LOC112694756: variants seen among roughly 807,000 people sequenced by gnomAD.
chr16:30,054,605 T>C, the LOC112694756 span: 4 of 393,250 alleles, frequency 1.0e-5, no homozygotes, highest in African/African-American at 2.1e-5. Context: ...CTGGGAATGA[T>C]AGGGAAAAAG....
the LOC112694756 span, among the ~76,000 whole-genome samples, chr16:30,066,482 G>C: frequency 9.8e-5 from 15 of 152,362 alleles, no homozygotes; most frequent in African/African-American, 3.6e-4. Flanking sequence ...CCACGTTCTT[G>C]CCCCGTAGGA....
the LOC112694756 span, among the ~76,000 whole-genome samples, chr16:30,059,530 CTT>C: frequency 6.7e-6 from 1 of 149,596 alleles, no homozygotes; most frequent in Non-Finnish European, 1.5e-5. Context: ...TAATATCTCT[CTT>C]TCTTTTTTTT....
the LOC112694756 span, chr16:30,069,498 G>T: frequency 6.2e-7 from 1 of 1,614,100 alleles, no homozygotes; most frequent in Admixed American, 1.7e-5. Flanking sequence ...CTCTGCTCCA[G>T]GTGCTGGCTG....
the LOC112694756 span, chr16:30,069,103 A>G: frequency 6.7e-7 from 1 of 1,486,060 alleles, no homozygotes; most frequent in Non-Finnish European, 9.3e-7. Flanking sequence ...CCCGTGGAGG[A>G]CACTCAAGGG....
At chr16:30,053,942 C>T in the LOC112694756 span, among the ~76,000 whole-genome samples, 1 of 152,062 alleles carries the variant, frequency 6.6e-6, no homozygotes, top group Non-Finnish European at 1.5e-5. Flanking sequence ...GTGGGAGGAT[C>T]GTTTAAGCCC....
the LOC112694756 span, among the ~76,000 whole-genome samples, chr16:30,063,381 C>T: frequency 6.6e-6 from 1 of 152,002 alleles, no homozygotes; most frequent in African/African-American, 2.4e-5. Flanking sequence ...GCACAGACCC[C>T]GGGACTGTAG....
chr16:30,069,772 C>T, the LOC112694756 span: 80 of 1,612,590 alleles, frequency 5.0e-5, no homozygotes, highest in Non-Finnish European at 6.7e-5. Flanking sequence ...TCCACCAGCT[C>T]CTGCCAGCTT....
At chr16:30,058,571 C>T in the LOC112694756 span, among the ~76,000 whole-genome samples, 1 of 151,680 alleles carries the variant, frequency 6.6e-6, no homozygotes, top group African/African-American at 2.4e-5. Flanking sequence ...CTTCAACCTC[C>T]GCCTCTCGGG....
chr16:30,067,176 C>CCAGGAGAGGGGCCCT, the LOC112694756 span: 8 of 1,608,638 alleles, frequency 5.0e-6, no homozygotes, highest in Non-Finnish European at 6.8e-6. Context: ...CCCTGGTCAT[C>CCAGGAGAGGGGCCCT]GGGAGATGAT....
At chr16:30,069,046 T>C in the LOC112694756 span, 1 of 1,604,816 alleles carries the variant, frequency 6.2e-7, no homozygotes, top group East Asian at 2.2e-5. Flanking sequence ...AATTTGCCTA[T>C]TACCTGCCAT....
the LOC112694756 span, chr16:30,053,433 G>C: frequency 6.5e-6 from 1 of 152,840 alleles, no homozygotes; most frequent in Non-Finnish European, 1.5e-5. Flanking sequence ...GTGCCTCTCA[G>C]CCTCTGAGAC....
At chr16:30,069,467 C>T in the LOC112694756 span, 1 of 1,614,058 alleles carries the variant, frequency 6.2e-7, no homozygotes, top group South Asian at 1.1e-5. Flanking sequence ...CTCCTCCACC[C>T]CACTACCCAC....
the LOC112694756 span, chr16:30,063,959 G>A: frequency 2.5e-6 from 1 of 398,968 alleles, no homozygotes; most frequent in East Asian, 3.6e-5. Flanking sequence ...GAGCACCCAG[G>A]CCTGGGAACT....
chr16:30,068,762 G>A, the LOC112694756 span: 2 of 1,614,200 alleles, frequency 1.2e-6, 1 homozygote, highest in South Asian at 2.2e-5. Flanking sequence ...GTGCTGGGAG[G>A]AGTGGAAACC....
At chr16:30,063,392 C>A in the LOC112694756 span, among the ~76,000 whole-genome samples, 5 of 152,138 alleles carry the variant, frequency 3.3e-5, no homozygotes, top group African/African-American at 1.2e-4. Flanking sequence ...GGGACTGTAG[C>A]AGAACCATCT....
At chr16:30,068,776 T>A in the LOC112694756 span, 1 of 1,614,192 alleles carries the variant, frequency 6.2e-7, no homozygotes, top group Non-Finnish European at 8.5e-7. Flanking sequence ...GGAAACCACA[T>A]GCCCCTCCCC....
At chr16:30,062,740 C>T in the LOC112694756 span, among the ~76,000 whole-genome samples, 1 of 151,282 alleles carries the variant, frequency 6.6e-6, no homozygotes, top group Non-Finnish European at 1.5e-5. Flanking sequence ...ACTTGGGAGG[C>T]TGAGGCAGGA....
the LOC112694756 span, among the ~76,000 whole-genome samples, chr16:30,058,429 C>T: frequency 6.6e-6 from 1 of 151,872 alleles, no homozygotes; most frequent in Non-Finnish European, 1.5e-5. Context: ...ACCCAGGTTT[C>T]TCTTCCTTAC....
chr16:30,067,626 G>A, the LOC112694756 span: 2 of 1,614,172 alleles, frequency 1.2e-6, no homozygotes, highest in South Asian at 2.2e-5. Flanking sequence ...CTTCCCCCAA[G>A]TTATCAAATC....
Sources: allele counts gnomAD v4.1 joint callset (sites outside exome capture counted in the v4.1 genomes callset), GRCh38; gene constraint gnomAD v4.1.1; transcripts MANE v1.5.